TMEM182: variants seen among roughly 807,000 people sequenced by gnomAD.
The protein encoded by TMEM182 is transmembrane protein 182.
In TMEM182, 20 loss-of-function variants were observed where a neutral mutation model predicts 26.8. The ratio of observed to expected loss-of-function variants is 0.75; its 90% CI spans 0.53 to 1.09. The LOEUF (loss-of-function observed/expected upper bound fraction) is 1.09. TMEM182 is among the 50% of genes least tolerant of loss of function. The pLI is 0.00. For missense variants in TMEM182, 277 were observed against 275.5 expected, an observed-to-expected ratio of 1.01 and a Z score of -0.04; for synonymous variants, 109 against 102.2, an observed-to-expected ratio of 1.07 and a Z score of -0.40.
Position 102,793,424 on chromosome 2 carries a change from C to T in TMEM182, c.332-4439C>T, listed in dbSNP as rs76131148. 2.5e-3 allele frequency among the ~76,000 whole-genome samples: 380 copies of T among 152,276 alleles called. 3 individuals are homozygous for T. Among genetic ancestry groups the T allele is most frequent in the African/African-American group, 8.4e-3 (350 of 41,546 alleles). The stretch of plus-strand genomic sequence containing the variant: ...CTACTTTGCCCAAACATGACTACTG[C>T]ACTCTAAGCTATCATTTAAAGAGAT... On this transcript the variant is annotated intron_variant, in intron 3 of 4. Transcript: ENST00000412401.
intron 4 of TMEM182, among the ~76,000 whole-genome samples, chr2:102,814,070 A>C (rs890942783): frequency 6.8e-6 from 1 of 147,040 alleles, no homozygotes; most frequent in South Asian, 2.2e-4. Context: ...TCTATGCTGT[A>C]ATCAATCTTT....
intron 1 of TMEM182, among the ~76,000 whole-genome samples, chr2:102,749,863 G>A (rs2732833): frequency 0.48 from 72,052 of 151,450 alleles, 17,823 homozygotes; most frequent in African/African-American, 0.62. Context: ...CTTCCATCCT[G>A]TACAAAAAAA....
chr2:102,821,269 A>T (rs1682910176), downstream of TMEM182, among the ~76,000 whole-genome samples: 1 of 152,178 alleles, frequency 6.6e-6, no homozygotes, highest in Non-Finnish European at 1.5e-5. Flanking sequence ...TAGTTTGAGT[A>T]TTTGTCCCCA....
At chr2:102,755,232 A>G (rs1055280019) in intron 1 of TMEM182, among the ~76,000 whole-genome samples, 3 of 152,344 alleles carry the variant, frequency 2.0e-5, no homozygotes, top group Non-Finnish European at 4.4e-5. Flanking sequence ...GAACCATACC[A>G]GTGTTCTTAG....
chr2:102,804,210 C>G (rs1233749533), intron 4 of TMEM182, among the ~76,000 whole-genome samples: 1 of 151,860 alleles, frequency 6.6e-6, no homozygotes, highest in Non-Finnish European at 1.5e-5. Flanking sequence ...TGTTTGGTTA[C>G]ATGAGTAAAT....
At chr2:102,745,780 C>T (rs948632085) in intron 1 of TMEM182, among the ~76,000 whole-genome samples, 3 of 152,134 alleles carry the variant, frequency 2.0e-5, no homozygotes, top group East Asian at 1.9e-4. Context: ...TTTCAGGGTT[C>T]ATCCAGGTTG....
intron 1 of TMEM182, among the ~76,000 whole-genome samples, chr2:102,737,654 TA>T (rs1558746391): frequency 6.6e-6 from 1 of 152,156 alleles, no homozygotes; most frequent in Admixed American, 6.5e-5. Flanking sequence ...GCAGACCATT[TA>T]GGACCCAGAA....
chr2:102,840,089 G>A (rs1374658592), intron 3 of TMEM182, among the ~76,000 whole-genome samples: 3 of 152,098 alleles, frequency 2.0e-5, no homozygotes, highest in African/African-American at 7.2e-5. Flanking sequence ...AAAAATAGAG[G>A]CTGCAACTTT....
At chr2:102,838,545 T>A (rs1156537110) in intron 3 of TMEM182, among the ~76,000 whole-genome samples, 1 of 152,174 alleles carries the variant, frequency 6.6e-6, no homozygotes, top group East Asian at 1.9e-4. Flanking sequence ...TCTCTGCCTC[T>A]TGGTAATTCG....
At chr2:102,800,161 A>G (rs1682059209) in intron 4 of TMEM182, among the ~76,000 whole-genome samples, 1 of 152,220 alleles carries the variant, frequency 6.6e-6, no homozygotes, top group African/African-American at 2.4e-5. Context: ...TAATCAACAT[A>G]CAACCTACCA....
At chr2:102,783,598 T>C (rs1453771168) in intron 3 of TMEM182, among the ~76,000 whole-genome samples, 1 of 152,188 alleles carries the variant, frequency 6.6e-6, no homozygotes, top group African/African-American at 2.4e-5. Context: ...AGGGAGGTAC[T>C]GCACTCAGTG....
At chr2:102,836,728 A>C (rs1305004363) in intron 3 of TMEM182, among the ~76,000 whole-genome samples, 2 of 152,132 alleles carry the variant, frequency 1.3e-5, no homozygotes, top group African/African-American at 4.8e-5. Context: ...CTGTTAAAGG[A>C]CTCACTCAGA....
At chr2:102,777,354 T>G (rs903778743) in intron 3 of TMEM182, among the ~76,000 whole-genome samples, 1 of 152,130 alleles carries the variant, frequency 6.6e-6, no homozygotes, top group Non-Finnish European at 1.5e-5. Flanking sequence ...TTCATTATTT[T>G]GCGTATGGAT....
intron 4 of TMEM182, among the ~76,000 whole-genome samples, chr2:102,802,283 G>A (rs1573552857): frequency 6.6e-6 from 1 of 152,336 alleles, no homozygotes; most frequent in Non-Finnish European, 1.5e-5. Flanking sequence ...ATATCAGGCT[G>A]TGGGGTAGGA....
intron 1 of TMEM182, among the ~76,000 whole-genome samples, chr2:102,744,330 C>T (rs1175457044): frequency 6.6e-6 from 1 of 152,018 alleles, no homozygotes; most frequent in Non-Finnish European, 1.5e-5. Context: ...GACTCAAGAA[C>T]AATTTGAAAA....
chr2:102,785,336 G>A (rs1250037806), intron 3 of TMEM182, among the ~76,000 whole-genome samples: 2 of 152,158 alleles, frequency 1.3e-5, no homozygotes, highest in Non-Finnish European at 2.9e-5. Context: ...GAGCTTTTAT[G>A]CAATATGCTA....
At chr2:102,781,807 A>T (rs1681176912) in intron 3 of TMEM182, among the ~76,000 whole-genome samples, 1 of 152,108 alleles carries the variant, frequency 6.6e-6, no homozygotes, top group South Asian at 2.1e-4. Context: ...GCCTCATGGG[A>T]TTTTTACTTA....
At chr2:102,809,595 G>T (rs1438187779) in intron 4 of TMEM182, among the ~76,000 whole-genome samples, 1 of 152,126 alleles carries the variant, frequency 6.6e-6, no homozygotes, top group Non-Finnish European at 1.5e-5. Context: ...TAACCTATGA[G>T]ACTCGTGCTC....
chr2:102,745,214 CTG>C (rs1423637419), intron 1 of TMEM182, among the ~76,000 whole-genome samples: 2 of 151,670 alleles, frequency 1.3e-5, no homozygotes, highest in African/African-American at 2.4e-5. Flanking sequence ...GATGATAAAA[CTG>C]TGAAAGACAA....
Sources: allele counts gnomAD v4.1 joint callset (sites outside exome capture counted in the v4.1 genomes callset), GRCh38; gene constraint gnomAD v4.1.1; transcripts MANE v1.5; gene names NCBI Gene and HGNC (gene_info 2026-07-23, HGNC 2026-07-21).